NFAM1: variants seen among roughly 807,000 people sequenced by gnomAD.
NFAM1 encodes NFAT activation molecule 1.
NFAM1 carries 17 observed loss-of-function variants against 29.0 expected under a neutral mutation model. The observed-to-expected ratio is 0.59, with a 90% CI of 0.40 to 0.88. The LOEUF (loss-of-function observed/expected upper bound fraction) is 0.88, where lower values mean the gene tolerates loss of function less well. Ranked by LOEUF, NFAM1 falls within the 40% of genes least tolerant of loss-of-function variation. The probability of loss-of-function intolerance (pLI) is 0.00; values close to 1 mark genes in which losing one functional copy is unlikely to be tolerated. For missense variants in NFAM1, 324 were observed against 344.6 expected (o/e 0.94, Z 0.47); for synonymous variants, 175 against 147.2 (o/e 1.19, Z -1.36).
At chr22:42,387,398 G>T (rs1179097834) in intron 4 of NFAM1, among the ~76,000 whole-genome samples, 3 of 151,882 alleles carry the variant, frequency 2.0e-5, no homozygotes, top group African/African-American at 7.3e-5. Flanking sequence ...GCCTCCTCCT[G>T]CTGTCCCTGC....
At chr22:42,414,227 C>A (rs1320293351) in intron 1 of NFAM1, among the ~76,000 whole-genome samples, 1 of 152,146 alleles carries the variant, frequency 6.6e-6, no homozygotes, top group Non-Finnish European at 1.5e-5. Context: ...AGCTGGCACC[C>A]GGGCCCCCTC....
chr22:42,393,216 T>C (rs1189471080), intron 4 of NFAM1, among the ~76,000 whole-genome samples: 3 of 152,030 alleles, frequency 2.0e-5, no homozygotes, highest in Non-Finnish European at 4.4e-5. Context: ...TACTGGCAGA[T>C]TTTAACTAAC....
intron 4 of NFAM1, among the ~76,000 whole-genome samples, chr22:42,389,028 C>T (rs1929242878): frequency 2.0e-5 from 3 of 152,086 alleles, no homozygotes. Context: ...ACCCTCCACC[C>T]ACCCAGGCCC....
upstream of NFAM1, among the ~76,000 whole-genome samples, chr22:42,434,288 T>C (rs1288670665): frequency 6.6e-6 from 1 of 152,100 alleles, no homozygotes; most frequent in Non-Finnish European, 1.5e-5. Context: ...GGAGAAGCCT[T>C]CCTCCAGGCT....
At chr22:42,405,764 T>A (rs1569230142) in intron 3 of NFAM1, among the ~76,000 whole-genome samples, 1 of 152,124 alleles carries the variant, frequency 6.6e-6, no homozygotes, top group Non-Finnish European at 1.5e-5. Flanking sequence ...GACTTCACAG[T>A]GGTACCCAAG....
Position 42,419,896 on chromosome 22 carries a change from C to T in NFAM1, c.122-8160G>A, listed in dbSNP as rs1482564987. On this transcript the variant is annotated intron_variant, in intron 1 of 5. Coordinates refer to ENST00000329021, the MANE Select transcript of NFAM1 (RefSeq NM_145912.8). The surrounding 1 kb of genome is among the most constrained non-coding windows in gnomAD (Gnocchi z 4.5). The stretch of plus-strand genomic sequence containing the variant: ...GTTTCACCTTTTGCAGATGACAAAA[C>T]TGAGGCTCAGAGAAGGCAAGAGGTT... Among the ~76,000 whole-genome samples, 1 of 149,952 alleles carries T rather than the reference C, an allele frequency of 6.7e-6. No homozygotes were observed. The highest frequency in any genetic ancestry group is 1.5e-5 in the Non-Finnish European group (1 of 67,756).
In NFAM1 at chr22:42,388,351, G is replaced by C. The variant is rs901930997; in HGVS notation, c.664-1273C>G. Among the ~76,000 whole-genome samples the C allele has an allele frequency of 2.0e-5, 3 of 152,214 alleles. No individual in the cohort carries two copies. The highest frequency in any genetic ancestry group is 7.2e-5 in the African/African-American group (3 of 41,444). On this transcript the variant is annotated intron_variant, in intron 4 of 5. Coordinates refer to ENST00000329021, the MANE Select transcript of NFAM1 (RefSeq NM_145912.8). The surrounding 1 kb of genome is among the most constrained non-coding windows in gnomAD (Gnocchi z 4.1). ...GCACAAAGGGCCACACACACAGTCA[G>C]GGAAGTAGTAGGTGCTTAATAAACT...
At chr22:42,398,268 C>T (rs554097242) in intron 3 of NFAM1, among the ~76,000 whole-genome samples, 1 of 152,334 alleles carries the variant, frequency 6.6e-6, no homozygotes, top group African/African-American at 2.4e-5. Flanking sequence ...GGGACCGAGC[C>T]AGCAGCCATG....
intron 2 of NFAM1, among the ~76,000 whole-genome samples, chr22:42,410,992 C>A (rs922080874): frequency 6.7e-6 from 1 of 150,110 alleles, no homozygotes; most frequent in Non-Finnish European, 1.5e-5. Flanking sequence ...GTAGACAAGG[C>A]AAACCATTCT....
intron 3 of NFAM1, among the ~76,000 whole-genome samples, chr22:42,399,636 C>T (rs972849007): frequency 2.0e-5 from 3 of 151,964 alleles, no homozygotes; most frequent in African/African-American, 7.3e-5. Flanking sequence ...AGAAAGCTCC[C>T]GCTGGTCACA....
intron 3 of NFAM1, among the ~76,000 whole-genome samples, chr22:42,406,190 C>T (rs7291767): frequency 0.028 from 4,267 of 152,284 alleles, 202 homozygotes; most frequent in African/African-American, 0.099. Flanking sequence ...CCTCACCCCC[C>T]GAGGGAGCAG....
At chr22:42,399,712 C>G (rs998865253) in intron 3 of NFAM1, among the ~76,000 whole-genome samples, 2 of 152,106 alleles carry the variant, frequency 1.3e-5, no homozygotes, top group Admixed American at 6.5e-5. Flanking sequence ...TACAGGCAGC[C>G]CTCTGGAGGC....
rs745676475 is a variant in NFAM1 at position 42,385,162 on chromosome 22, T to C, written c.812A>G (p.Ter271TrpextTer7). The C allele has an allele frequency of 1.2e-6, 2 of 1,611,952 alleles. No homozygotes were observed. The highest frequency in any genetic ancestry group is 1.7e-6 in the Non-Finnish European group (2 of 1,178,086). The change falls in exon 6 of 6, where the codon TAG (stop) becomes TGG (tryptophan). Residue 271 changes from the stop codon to tryptophan, a stop_lost. Coordinates refer to ENST00000329021, the MANE Select transcript of NFAM1 (RefSeq NM_145912.8). The part of the protein sequence containing the change: ...GELNLVYENL[*>W] ...GCTCTATGAGCGGTGGAGCCCATCC[T>C]AGAGATTTTCATAGACCAGGTTAAG...
chr22:42,437,809 G>A, the NFAM1 span, among the ~76,000 whole-genome samples: 4 of 151,900 alleles, frequency 2.6e-5, no homozygotes, highest in East Asian at 7.7e-4. Context: ...TGGGGGTTCC[G>A]GGGGGGTCCG....
At chr22:42,392,378 C>T (rs1433798639) in intron 4 of NFAM1, among the ~76,000 whole-genome samples, 2 of 151,996 alleles carry the variant, frequency 1.3e-5, no homozygotes, top group African/African-American at 4.8e-5. Flanking sequence ...GAGAACTGCC[C>T]ATTGGTTTAA....
intron 4 of NFAM1, among the ~76,000 whole-genome samples, chr22:42,390,035 G>A (rs1023847526): frequency 2.0e-5 from 3 of 152,136 alleles, no homozygotes; most frequent in African/African-American, 4.8e-5. Context: ...CATCAGAGTC[G>A]TGTGTTAGAA....
At chr22:42,417,125 G>A (rs920699764) in intron 1 of NFAM1, among the ~76,000 whole-genome samples, 18 of 152,218 alleles carry the variant, frequency 1.2e-4, no homozygotes, top group Non-Finnish European at 2.1e-4. Flanking sequence ...GACAAGGAAG[G>A]GGTCTGGGTG....
At chr22:42,433,950 C>T (rs1311787483), upstream of NFAM1, among the ~76,000 whole-genome samples, 1 of 152,128 alleles carries the variant, frequency 6.6e-6, no homozygotes, top group African/African-American at 2.4e-5. Context: ...TGTGCCTCTA[C>T]AAGTCTCATT....
Position 42,397,946 on chromosome 22 carries a change from C to T in NFAM1, c.575G>A (p.Arg192Gln), listed in dbSNP as rs369551888. The change falls in exon 4 of 6, where the codon CGG (arginine) becomes CAG (glutamine). Residue 192 changes from arginine to glutamine, a missense_variant. By Grantham distance (43) the Arg-to-Gln change is conservative (BLOSUM62 1). Coordinates refer to ENST00000329021, the MANE Select transcript of NFAM1 (RefSeq NM_145912.8). ...ALLLWNKKRM[R>Q]GPGKDPTRKC... ...CCTGGTGGGGTCCTTCCCTGGACCCCGCATCCGCTTCTGTAGGGAGAAAGG... is the reference window on the plus strand; with the variant it reads ...CCTGGTGGGGTCCTTCCCTGGACCCTGCATCCGCTTCTGTAGGGAGAAAGG... 1.7e-5 allele frequency: 27 copies of T among 1,595,490 alleles called. No homozygotes were observed. The Middle Eastern group carries it at 5.0e-4, about 30-fold the overall frequency.
Sources: allele counts gnomAD v4.1 joint callset (sites outside exome capture counted in the v4.1 genomes callset), GRCh38; gene constraint gnomAD v4.1.1; non-coding constraint Gnocchi (gnomAD v3.1); transcripts MANE v1.5; gene names NCBI Gene and HGNC (gene_info 2026-07-23, HGNC 2026-07-21).